The following ALPK2 variants were observed in gnomAD, a reference collection of about 807,000 sequenced individuals.
ALPK2 encodes the protein alpha-protein kinase 2.
Under a neutral mutation model 163.1 loss-of-function variants are expected in ALPK2, and 127 were observed. The observed-to-expected ratio is 0.78, with a 90% CI of 0.67 to 0.90. The LOEUF is 0.90. Ranked by LOEUF, ALPK2 falls within the 40% of genes least tolerant of loss-of-function variation. The probability of loss-of-function intolerance (pLI) is 0.00; values close to 1 mark genes in which losing one functional copy is unlikely to be tolerated. For synonymous variants in ALPK2, 953 were observed against 959.1 expected (o/e 0.99, Z 0.12); for missense variants, 2,360 against 2,589.6 (o/e 0.91, Z 1.92).
chr18:58,511,115 A>G (rs571355196), intron 10 of ALPK2, among the ~76,000 whole-genome samples: 2 of 152,296 alleles, frequency 1.3e-5, no homozygotes, highest in Admixed American at 6.5e-5. Context: ...AATTTTGTCA[A>G]AGGCCTTTTC....
chr18:58,610,861 G>A (rs1444145112), intron 2 of ALPK2, among the ~76,000 whole-genome samples: 2 of 151,928 alleles, frequency 1.3e-5, no homozygotes, highest in African/African-American at 2.4e-5. Context: ...TTGGGAGGCC[G>A]AGGCAGGCAG....
intron 2 of ALPK2, 112 bp downstream of exon 2, chr18:58,611,577 A>T: frequency 1.0e-6 from 1 of 960,122 alleles, no homozygotes; most frequent in Non-Finnish European, 1.6e-6. Context: ...ACAGAAAAAA[A>T]AACTTCCAAG....
chr18:58,508,306 C>T lies in ALPK2; in HGVS notation c.6030-4158G>A, dbSNP rs531728226. 2.0e-5 allele frequency among the ~76,000 whole-genome samples: 3 copies of T among 152,284 alleles called. No homozygotes were observed. In the South Asian group the frequency reaches 6.2e-4, roughly 32 times the overall value. On this transcript the variant is annotated intron_variant, in intron 10 of 12. Transcript: ENST00000361673. ...AATAAAACTCCAGTCTCCCATTTAGCCAGTTCTGTCAGAGATGTGTGAACC... is the reference window on the plus strand; with the variant it reads ...AATAAAACTCCAGTCTCCCATTTAGTCAGTTCTGTCAGAGATGTGTGAACC...
chr18:58,507,780 G>A (rs1202374627), intron 10 of ALPK2, among the ~76,000 whole-genome samples: 1 of 152,174 alleles, frequency 6.6e-6, no homozygotes, highest in East Asian at 1.9e-4. Flanking sequence ...CTGGGCAGAG[G>A]CCAAAGTAAC....
chr18:58,557,686 GTGTA>G (rs1054046754), intron 4 of ALPK2, among the ~76,000 whole-genome samples: 13 of 44,850 alleles, frequency 2.9e-4, no homozygotes, highest in East Asian at 1.0e-3. Flanking sequence ...GTGTGTGTGT[GTGTA>G]TATATATATA....
chr18:58,535,010 C>A lies in ALPK2; in HGVS notation c.5177G>T (p.Gly1726Val), dbSNP rs1019466679. ...CCTGGACAAAATTTTCTTCTTTACT[C>A]CCTCAGCTAAATGTCCACTGCCTGG... is the stretch of plus-strand genomic sequence containing the variant. ...EAPGSGHLAE[G>V]VKKKILSRVA... The change falls in exon 5 of 13, where the codon GGA (glycine) becomes GTA (valine). Residue 1726 changes from glycine (G) to valine (V), a missense_variant. Gly to Val is a moderately radical substitution (Grantham distance 109). Transcript: ENST00000361673. The A allele has an allele frequency of 1.2e-6, 2 of 1,614,132 alleles. No homozygotes were observed. Among genetic ancestry groups the A allele is most frequent in the Non-Finnish European group, 1.7e-6 (2 of 1,180,014 alleles).
chr18:58,525,967 G>GAAAAAAAAAAAAAAAAAAA lies in ALPK2; in HGVS notation c.5502-1924_5502-1906dup, dbSNP rs10653750. ...TACTGGGGGATTCAATGATGAAAAA[G>GAAAAAAAAAAAAAAAAAAA]AAAAAAAAAAAAAAAAAAAGGCACA... On this transcript the variant is annotated intron_variant, in intron 6 of 12. Coordinates refer to ENST00000361673, the MANE Select transcript of ALPK2 (RefSeq NM_052947.4). Among the ~76,000 whole-genome samples the GAAAAAAAAAAAAAAAAAAA allele has an allele frequency of 1.7e-5, 2 of 117,684 alleles. 1 individual carries two copies. The allele number at this position is 117,684 out of a possible 152,430, so 77.2% of individuals were successfully genotyped here.
chr18:58,611,602 T>A, intron 2 of ALPK2, 87 bp downstream of exon 2: 1 of 1,166,496 alleles, frequency 8.6e-7, no homozygotes, highest in South Asian at 1.4e-5. Flanking sequence ...TTTTCCCAAA[T>A]GATGTTTTAG....
intron 10 of ALPK2, among the ~76,000 whole-genome samples, chr18:58,512,844 TGTG>T (rs1253888702): frequency 1.5e-5 from 2 of 134,486 alleles, no homozygotes; most frequent in Non-Finnish European, 3.2e-5. Flanking sequence ...TGTGTGTGTA[TGTG>T]GTGTGTGTGT....
chr18:58,533,564 A>T (rs2051627312), intron 5 of ALPK2, among the ~76,000 whole-genome samples: 1 of 149,898 alleles, frequency 6.7e-6, no homozygotes, highest in Non-Finnish European at 1.5e-5. Context: ...GGGTCAGGTG[A>T]TTCTCCTTAG....
At chr18:58,615,946 C>T (rs1462208609) in intron 1 of ALPK2, among the ~76,000 whole-genome samples, 5 of 152,214 alleles carry the variant, frequency 3.3e-5, no homozygotes, top group Admixed American at 2.0e-4. Context: ...AGCCACAGAG[C>T]ACTGACTGTA....
At chr18:58,514,105 C>T (rs902778793) in intron 10 of ALPK2, among the ~76,000 whole-genome samples, 2 of 152,020 alleles carry the variant, frequency 1.3e-5, no homozygotes. Context: ...TAACTCAGTC[C>T]AGATGGCTGT....
intron 12 of ALPK2, among the ~76,000 whole-genome samples, chr18:58,487,267 C>T (rs890636687): frequency 1.3e-5 from 2 of 152,146 alleles, no homozygotes; most frequent in Non-Finnish European, 2.9e-5. Context: ...CAGAGACACA[C>T]AGGGGGAATA....
At chr18:58,576,967 C>T (rs558594466) in intron 4 of ALPK2, among the ~76,000 whole-genome samples, 57 of 152,316 alleles carry the variant, frequency 3.7e-4, no homozygotes, top group Middle Eastern at 6.8e-3. Context: ...ACAGTGTTCA[C>T]GGTTCTGAGG....
chr18:58,512,783 GGT>G (rs1426065000), intron 10 of ALPK2, among the ~76,000 whole-genome samples: 6 of 148,570 alleles, frequency 4.0e-5, no homozygotes, highest in East Asian at 4.0e-4. Flanking sequence ...TGGTGTGTGT[GGT>G]GTGTGGGGGT....
intron 12 of ALPK2, among the ~76,000 whole-genome samples, chr18:58,491,884 A>G (rs1188762811): frequency 3.9e-5 from 6 of 152,204 alleles, no homozygotes; most frequent in Non-Finnish European, 7.3e-5. Flanking sequence ...CATTCCCACT[A>G]GGTACAGGCT....
intron 11 of ALPK2, among the ~76,000 whole-genome samples, chr18:58,501,277 C>T (rs2051430220): frequency 6.6e-6 from 1 of 152,202 alleles, no homozygotes; most frequent in African/African-American, 2.4e-5. Flanking sequence ...TGCTTTTCAG[C>T]ATGAGAGCTG....
chr18:58,595,660 A>G (rs1385009804), intron 3 of ALPK2, among the ~76,000 whole-genome samples: 3 of 152,290 alleles, frequency 2.0e-5, no homozygotes, highest in African/African-American at 4.8e-5. Context: ...GATTTGACCA[A>G]TTAAAACAGA....
chr18:58,528,850 G>A (rs1269429175), intron 6 of ALPK2: 5 of 495,714 alleles, frequency 1.0e-5, no homozygotes, highest in Non-Finnish European at 1.8e-5. Context: ...GTGAAAGGTT[G>A]TGTGACTTCC....
Sources: gnomAD v4.1 joint callset for allele counts (sites outside exome capture counted in the v4.1 genomes callset) on GRCh38, gnomAD v4.1.1 for gene constraint, MANE v1.5 for transcripts, NCBI Gene and HGNC (gene_info 2026-07-23, HGNC 2026-07-21) for gene names.